Variants in MAP4K3 observed in about 807,000 individuals in gnomAD.
MAP4K3 encodes mitogen-activated protein kinase kinase kinase kinase 3.
In MAP4K3, 94 loss-of-function variants were observed where a neutral mutation model predicts 143.5. The observed-to-expected ratio is 0.65, with a 90% CI of 0.55 to 0.78. The LOEUF (loss-of-function observed/expected upper bound fraction) is 0.78. MAP4K3 is among the 30% of genes least tolerant of loss of function. The pLI is 0.00. For synonymous variants in MAP4K3, 416 were observed against 347.2 expected, an observed-to-expected ratio of 1.20 and a Z score of -2.20; for missense variants, 1,077 against 1,068.1, an observed-to-expected ratio of 1.01 and a Z score of -0.12.
intron 1 of MAP4K3, among the ~76,000 whole-genome samples, chr2:39,420,010 T>C (rs149251112): frequency 6.6e-6 from 1 of 152,322 alleles, no homozygotes; most frequent in East Asian, 1.9e-4. Flanking sequence ...GCACTTTCAA[T>C]GGTCTCTTCT....
At chr2:39,391,831 GGGA>G (rs1178775834) in intron 1 of MAP4K3, among the ~76,000 whole-genome samples, 2 of 152,102 alleles carry the variant, frequency 1.3e-5, no homozygotes, top group Non-Finnish European at 1.5e-5. Context: ...ACATGGAGTT[GGGA>G]GGAGATGCTC....
chr2:39,265,177 T>G, intron 28 of MAP4K3, 26 bp downstream of exon 28: 1 of 1,389,384 alleles, frequency 7.2e-7, no homozygotes, highest in Middle Eastern at 1.8e-4. Flanking sequence ...ATAGTAAGAA[T>G]AAGATAGTCT....
chr2:39,262,207 G>A (rs1680598545), intron 28 of MAP4K3, among the ~76,000 whole-genome samples: 1 of 152,170 alleles, frequency 6.6e-6, no homozygotes, highest in Non-Finnish European at 1.5e-5. Flanking sequence ...GTGCAACGGG[G>A]GATATCCTAA....
chr2:39,251,150 C>A (rs1680143659), intron 33 of MAP4K3, among the ~76,000 whole-genome samples: 1 of 152,152 alleles, frequency 6.6e-6, no homozygotes, highest in South Asian at 2.1e-4. Flanking sequence ...GTTGTAGTGG[C>A]CGTGTGCCCT....
intron 26 of MAP4K3, among the ~76,000 whole-genome samples, chr2:39,270,119 G>C (rs992449784): frequency 1.3e-5 from 2 of 152,138 alleles, no homozygotes; most frequent in African/African-American, 4.8e-5. Context: ...TTAAAACACT[G>C]AACTAGTCAA....
intron 13 of MAP4K3, among the ~76,000 whole-genome samples, chr2:39,312,241 T>C (rs759348058): frequency 1.3e-5 from 2 of 152,200 alleles, no homozygotes; most frequent in Non-Finnish European, 2.9e-5. Flanking sequence ...TATTGAATGT[T>C]TCAGTATCTT....
chr2:39,301,284 C>T (rs189404088), intron 15 of MAP4K3, among the ~76,000 whole-genome samples: 79 of 152,306 alleles, frequency 5.2e-4, no homozygotes, highest in African/African-American at 1.7e-3. Flanking sequence ...AGTTGACTGT[C>T]ACACTGGTAT....
chr2:39,343,260 T>C (rs58722689), intron 4 of MAP4K3, 128 bp downstream of exon 4: 5 of 569,284 alleles, frequency 8.8e-6, no homozygotes, highest in Admixed American at 3.5e-5. Context: ...TACCTTTATA[T>C]AGCCAAACAA....
At chr2:39,292,026 C>T (rs1392105022) in intron 18 of MAP4K3, among the ~76,000 whole-genome samples, 1 of 151,278 alleles carries the variant, frequency 6.6e-6, no homozygotes, top group Non-Finnish European at 1.5e-5. Flanking sequence ...TACCATGAAA[C>T]TGCATCTTTA....
Position 39,278,479 on chromosome 2 carries a change from G to C in MAP4K3, c.1722C>G (p.Tyr574Ter). The C allele has an allele frequency of 1.3e-6, 2 of 1,569,980 alleles. No individual in the cohort carries two copies. The highest frequency in any genetic ancestry group is 1.7e-6 in the Non-Finnish European group (2 of 1,154,420). ...TCCCTTCTTCGGCACCAAATATCAA[G>C]TACTGATCTGAAATAAAAGTAATTC... ...SWINPDTRDQYLIFGAEEGIY... is the reference protein window; with the variant it reads ...SWINPDTRDQ The change falls in exon 24 of 34, where the codon TAC becomes TAG. Residue 574 changes from tyrosine (Y) to a stop codon, truncating the protein, a stop_gained. Transcript: ENST00000263881. LOFTEE classifies it high-confidence loss of function.
chr2:39,343,473 T>C (rs1212303562), intron 3 of MAP4K3, 21 bp from the exon 4 acceptor site: 2 of 1,602,676 alleles, frequency 1.2e-6, no homozygotes, highest in Non-Finnish European at 1.7e-6. Context: ...AAAAGAAGCA[T>C]GTATCATATT....
At chr2:39,281,310 T>G (rs544382388) in intron 22 of MAP4K3, among the ~76,000 whole-genome samples, 3 of 152,138 alleles carry the variant, frequency 2.0e-5, no homozygotes, top group African/African-American at 7.2e-5. Context: ...ATTAACATAA[T>G]TAAAACATGG....
intron 5 of MAP4K3, among the ~76,000 whole-genome samples, 161 bp downstream of exon 5, chr2:39,337,364 TA>T (rs2148528213): frequency 6.6e-6 from 1 of 152,308 alleles, no homozygotes; most frequent in Non-Finnish European, 1.5e-5. Flanking sequence ...TATTTGTAAA[TA>T]TAATTTGAGT....
chr2:39,378,534 T>C (rs79097809), intron 1 of MAP4K3, among the ~76,000 whole-genome samples: 5,128 of 152,260 alleles, frequency 0.034, 124 homozygotes, highest in South Asian at 0.052. Flanking sequence ...GATTCAAACC[T>C]AGGCAGTCTA....
At chr2:39,430,866 T>C (rs1265456702) in intron 1 of MAP4K3, among the ~76,000 whole-genome samples, 1 of 152,218 alleles carries the variant, frequency 6.6e-6, no homozygotes, top group African/African-American at 2.4e-5. Context: ...TCAAGCCCAA[T>C]GCCACCTCCT....
chr2:39,253,470 C>T (rs1032304670), intron 32 of MAP4K3, among the ~76,000 whole-genome samples: 4 of 152,114 alleles, frequency 2.6e-5, no homozygotes, highest in African/African-American at 9.7e-5. Context: ...GGTCAGGAAC[C>T]AGGCCAAGCA....
rs1682430748 is a variant in MAP4K3, at chr2:39,299,738, C to T, written c.1178+5G>A. On this transcript the variant is annotated splice_donor_5th_base_variant and intron_variant, in intron 16 of 33. Transcript: ENST00000263881. ...TAAATTAAGTTTTAAAAGAACTTTACTTACTTGTTTGCACCTAAAAAGTAA... is the reference window on the plus strand; with the variant it reads ...TAAATTAAGTTTTAAAAGAACTTTATTTACTTGTTTGCACCTAAAAAGTAA... The T allele has an allele frequency of 1.3e-6, 2 of 1,536,434 alleles. No individual in the cohort carries two copies. Among genetic ancestry groups the T allele is most frequent in the Admixed American group, 2.0e-5 (1 of 50,548 alleles).
At chr2:39,375,836 C>T (rs544881923) in intron 2 of MAP4K3, among the ~76,000 whole-genome samples, 1 of 152,344 alleles carries the variant, frequency 6.6e-6, no homozygotes, top group Admixed American at 6.5e-5. Context: ...TGGAATCATA[C>T]AGTATGCAGT....
intron 1 of MAP4K3, among the ~76,000 whole-genome samples, chr2:39,427,239 G>A (rs1192938771): frequency 6.6e-6 from 1 of 151,902 alleles, no homozygotes; most frequent in Non-Finnish European, 1.5e-5. Context: ...TGATTTAAAA[G>A]TAAAGACAAA....
Sources: allele counts gnomAD v4.1 joint callset (sites outside exome capture counted in the v4.1 genomes callset), GRCh38; gene constraint gnomAD v4.1.1; transcripts MANE v1.5; gene names NCBI Gene and HGNC (gene_info 2026-07-23, HGNC 2026-07-21).